The following CAMK1D variants were observed in gnomAD, a reference collection of about 807,000 sequenced individuals.
The protein encoded by CAMK1D is calcium/calmodulin-dependent protein kinase type 1D.
CAMK1D carries 9 observed loss-of-function variants against 47.7 expected under a neutral mutation model. The observed-to-expected ratio is 0.19, with a 90% CI of 0.11 to 0.33. CAMK1D has a LOEUF of 0.33. CAMK1D is among the 10% of genes least tolerant of loss of function. The probability of loss-of-function intolerance (pLI) is 1.00; values close to 1 mark genes in which losing one functional copy is unlikely to be tolerated. For missense variants in CAMK1D, 291 were observed against 488.7 expected (o/e 0.60, Z 3.81); for synonymous variants, 184 against 184.9 (o/e 0.99, Z 0.04).
At chr10:12,458,813 C>T (rs1833336792) in intron 1 of CAMK1D, among the ~76,000 whole-genome samples, 1 of 151,730 alleles carries the variant, frequency 6.6e-6, no homozygotes, top group Admixed American at 6.6e-5. Flanking sequence ...GTCAGGATTA[C>T]ATTTTATCAT....
intron 5 of CAMK1D, among the ~76,000 whole-genome samples, chr10:12,788,541 A>T (rs1837834878): frequency 1.3e-5 from 2 of 152,228 alleles, no homozygotes; most frequent in East Asian, 3.8e-4. Context: ...TCTCTGCCTC[A>T]GGGACACTTT....
At chr10:12,508,654 A>T (rs971616532) in intron 1 of CAMK1D, among the ~76,000 whole-genome samples, 1 of 152,188 alleles carries the variant, frequency 6.6e-6, no homozygotes, top group Non-Finnish European at 1.5e-5. Flanking sequence ...TTTATGTGAC[A>T]TATATTTTAT....
At chr10:12,491,709 C>T (rs1012078853) in intron 1 of CAMK1D, among the ~76,000 whole-genome samples, 3 of 151,926 alleles carry the variant, frequency 2.0e-5, no homozygotes, top group Admixed American at 2.0e-4. Flanking sequence ...GAAGGCCGGC[C>T]GCCGATTGCT....
chr10:12,637,748 C>T (rs557021852), intron 2 of CAMK1D, among the ~76,000 whole-genome samples: 14 of 152,280 alleles, frequency 9.2e-5, no homozygotes, highest in South Asian at 4.2e-4. Flanking sequence ...ATCCGTGACT[C>T]CTTTAGCCTT....
At chr10:12,619,746 A>G (rs1410809825) in intron 2 of CAMK1D, among the ~76,000 whole-genome samples, 1 of 152,106 alleles carries the variant, frequency 6.6e-6, no homozygotes, top group African/African-American at 2.4e-5. Flanking sequence ...AAACTGTAGT[A>G]CAGTATTACA....
At chr10:12,760,894 C>T in intron 3 of CAMK1D, 54 bp from the exon 4 acceptor site, 2 of 1,568,652 alleles carry the variant, frequency 1.3e-6, no homozygotes, top group Non-Finnish European at 8.7e-7. Flanking sequence ...TGGAAGCTTT[C>T]CCTTCACAAT....
intron 2 of CAMK1D, among the ~76,000 whole-genome samples, chr10:12,646,427 G>A (rs969535296): frequency 2.6e-5 from 4 of 152,102 alleles, no homozygotes; most frequent in African/African-American, 7.2e-5. Flanking sequence ...AAGAAACGTG[G>A]AGAAATATAT....
chr10:12,569,448 C>T (rs112877046), intron 2 of CAMK1D, among the ~76,000 whole-genome samples: 1,533 of 152,066 alleles, frequency 0.01, 23 homozygotes, highest in African/African-American at 0.035. Context: ...CGGTGGCTCA[C>T]GCCTGTAGTC....
intron 1 of CAMK1D, among the ~76,000 whole-genome samples, chr10:12,527,293 A>AT (rs1277433188): frequency 8.1e-6 from 1 of 123,802 alleles, no homozygotes; most frequent in African/African-American, 3.1e-5. Context: ...GAAAAGGGGG[A>AT]TTTTTCTTGG....
chr10:12,400,263 G>C (rs931293654), intron 1 of CAMK1D, among the ~76,000 whole-genome samples: 7 of 152,160 alleles, frequency 4.6e-5, no homozygotes, highest in African/African-American at 1.2e-4. Flanking sequence ...GGCAACCATT[G>C]GAAAGTCTTC....
chr10:12,489,359 C>T (rs1025729608), intron 1 of CAMK1D, among the ~76,000 whole-genome samples: 5 of 152,158 alleles, frequency 3.3e-5, no homozygotes, highest in Non-Finnish European at 5.9e-5. Flanking sequence ...CAGTGAGCCC[C>T]TGAAGCCAGG....
chr10:12,487,390 T>C (rs905389852), intron 1 of CAMK1D, among the ~76,000 whole-genome samples: 1 of 152,244 alleles, frequency 6.6e-6, no homozygotes. Flanking sequence ...TTCCAGCCTC[T>C]AATTCATAAA....
At chr10:12,555,596 T>C (rs1404362172) in intron 2 of CAMK1D, among the ~76,000 whole-genome samples, 3 of 152,226 alleles carry the variant, frequency 2.0e-5, no homozygotes, top group African/African-American at 4.8e-5. Flanking sequence ...TTATTTAAAT[T>C]GCTCATTTTC....
At chr10:12,350,910 G>C (rs570335752) in intron 1 of CAMK1D, among the ~76,000 whole-genome samples, 1 of 152,212 alleles carries the variant, frequency 6.6e-6, no homozygotes, top group Non-Finnish European at 1.5e-5. Context: ...GGGGTTCATG[G>C]AGGTGTTGAT....
At chr10:12,360,503 C>A (rs1459133616) in intron 1 of CAMK1D, among the ~76,000 whole-genome samples, 1 of 152,146 alleles carries the variant, frequency 6.6e-6, no homozygotes. Flanking sequence ...CTTCCTTAAC[C>A]TTGAAAGAAG....
chr10:12,455,213 T>C (rs1256354944), intron 1 of CAMK1D, among the ~76,000 whole-genome samples: 2 of 152,154 alleles, frequency 1.3e-5, no homozygotes, highest in Non-Finnish European at 1.5e-5. Context: ...GCTCTGTAGC[T>C]CAGGCTGGAG....
chr10:12,670,011 G>A (rs1840560551), intron 3 of CAMK1D, among the ~76,000 whole-genome samples: 1 of 151,956 alleles, frequency 6.6e-6, no homozygotes, highest in Non-Finnish European at 1.5e-5. Flanking sequence ...GTCTTTGTGT[G>A]CATGCATGTT....
chr10:12,545,564 G>A (rs933654802), intron 1 of CAMK1D, among the ~76,000 whole-genome samples: 4 of 151,824 alleles, frequency 2.6e-5, no homozygotes, highest in Non-Finnish European at 5.9e-5. Context: ...CACTTTGGGA[G>A]GTTGAGGTGG....
chr10:12,707,120 C>T (rs1588829435), intron 3 of CAMK1D, among the ~76,000 whole-genome samples: 1 of 152,230 alleles, frequency 6.6e-6, no homozygotes. Flanking sequence ...GATCCCAGCC[C>T]CAGGACATAG....
Sources: gnomAD v4.1 joint callset for allele counts (sites outside exome capture counted in the v4.1 genomes callset) on GRCh38, gnomAD v4.1.1 for gene constraint, MANE v1.5 for transcripts, NCBI Gene and HGNC (gene_info 2026-07-23, HGNC 2026-07-21) for gene names.